Variants in DRC11 observed in about 807,000 individuals in gnomAD.
DRC11 encodes dynein regulatory complex subunit 11.
the DRC11 span, among the ~76,000 whole-genome samples, chr2:236,353,420 C>T: frequency 1.3e-5 from 2 of 152,154 alleles, no homozygotes; most frequent in African/African-American, 4.8e-5. This position sits in a 1 kb window ranked among gnomAD's most constrained non-coding sequence, Gnocchi z 5.0. Context: ...CAAAGAAACA[C>T]TGTCAAACAT....
chr2:236,377,236 C>T, the DRC11 span: 12 of 1,164,330 alleles, frequency 1.0e-5, no homozygotes, highest in South Asian at 6.3e-5. This position sits in a 1 kb window ranked among gnomAD's most constrained non-coding sequence, Gnocchi z 4.9. Flanking sequence ...CAGAAATCGG[C>T]GGTATTTCTG....
At chr2:236,430,057 G>A in the DRC11 span, among the ~76,000 whole-genome samples, 1 of 152,178 alleles carries the variant, frequency 6.6e-6, no homozygotes, top group Non-Finnish European at 1.5e-5. This position sits in a 1 kb window ranked among gnomAD's most constrained non-coding sequence, Gnocchi z 6.0. Context: ...GTCTGCTGGA[G>A]TCCTGGGCTA....
At chr2:236,502,904 G>A in the DRC11 span, among the ~76,000 whole-genome samples, 278 of 152,068 alleles carry the variant, frequency 1.8e-3, 3 homozygotes, top group Admixed American at 0.014. Flanking sequence ...GCAGTGAGCC[G>A]AGATTGCACC....
chr2:236,400,254 G>C, the DRC11 span, among the ~76,000 whole-genome samples: 1 of 152,108 alleles, frequency 6.6e-6, no homozygotes, highest in Admixed American at 6.5e-5. This position sits in a 1 kb window ranked among gnomAD's most constrained non-coding sequence, Gnocchi z 7.9. Context: ...TTCCTTCCCG[G>C]AGCCAGAGTC....
the DRC11 span, among the ~76,000 whole-genome samples, chr2:236,311,697 CGTGTGTGTGTGTGTGTGTGTGT>C: frequency 2.9e-5 from 4 of 138,706 alleles, no homozygotes; most frequent in Admixed American, 7.3e-5. The surrounding 1 kb of genome is among the most constrained non-coding windows in gnomAD (Gnocchi z 6.9). Context: ...GGATGGGGTG[CGTGTGTGTGTGTGTGTGTGTGT>C]GTGTGTGTGT....
chr2:236,460,205 T>C, the DRC11 span, among the ~76,000 whole-genome samples: 1 of 152,238 alleles, frequency 6.6e-6, no homozygotes, highest in Non-Finnish European at 1.5e-5. The surrounding 1 kb of genome is among the most constrained non-coding windows in gnomAD (Gnocchi z 4.0). Flanking sequence ...TTTACATCTT[T>C]GTGAAGTCTG....
At chr2:236,357,651 A>AT in the DRC11 span, among the ~76,000 whole-genome samples, 103 of 125,646 alleles carry the variant, frequency 8.2e-4, no homozygotes, top group African/African-American at 3.2e-3. Flanking sequence ...TAAATATATA[A>AT]ATTATATTCA....
chr2:236,473,397 G>T, the DRC11 span, among the ~76,000 whole-genome samples: 1 of 152,196 alleles, frequency 6.6e-6, no homozygotes, highest in Non-Finnish European at 1.5e-5. This position sits in a 1 kb window ranked among gnomAD's most constrained non-coding sequence, Gnocchi z 4.8. Flanking sequence ...GAAATTGAAT[G>T]TATTGGCCAA....
the DRC11 span, among the ~76,000 whole-genome samples, chr2:236,430,099 G>C: frequency 1.7e-4 from 26 of 152,212 alleles, no homozygotes; most frequent in African/African-American, 6.3e-4. This position sits in a 1 kb window ranked among gnomAD's most constrained non-coding sequence, Gnocchi z 6.0. Flanking sequence ...GTGACTTCCA[G>C]TGTGTGGCTG....
the DRC11 span, among the ~76,000 whole-genome samples, chr2:236,421,858 C>T: frequency 3.9e-5 from 6 of 152,146 alleles, no homozygotes; most frequent in African/African-American, 1.4e-4. Flanking sequence ...GCTTATCCAC[C>T]ATGATCAAGT....
chr2:236,502,796 A>C, the DRC11 span, among the ~76,000 whole-genome samples: 35 of 151,670 alleles, frequency 2.3e-4, no homozygotes, highest in East Asian at 7.9e-4. Flanking sequence ...CTCTACTAAA[A>C]TCACAAAAAT....
At chr2:236,344,631 G>A in the DRC11 span, 1 of 1,613,442 alleles carries the variant, frequency 6.2e-7, no homozygotes, top group Non-Finnish European at 8.5e-7. Flanking sequence ...GAGGGCTGGA[G>A]CTGTCGAGCC....
the DRC11 span, among the ~76,000 whole-genome samples, chr2:236,446,324 T>C: frequency 3.0e-4 from 45 of 152,136 alleles, no homozygotes; most frequent in South Asian, 9.3e-3. The surrounding 1 kb of genome is among the most constrained non-coding windows in gnomAD (Gnocchi z 6.2). Flanking sequence ...CACAGACCAG[T>C]GAATGGAAAA....
At chr2:236,347,662 G>A in the DRC11 span, among the ~76,000 whole-genome samples, 1 of 151,866 alleles carries the variant, frequency 6.6e-6, no homozygotes, top group East Asian at 1.9e-4. Flanking sequence ...TCACTAGGAC[G>A]CGAAGGCATA....
At chr2:236,357,315 ATATT>A in the DRC11 span, among the ~76,000 whole-genome samples, 4 of 116,828 alleles carry the variant, frequency 3.4e-5, no homozygotes, top group South Asian at 9.8e-4. Flanking sequence ...ATAGATCTAT[ATATT>A]ATATATATTC....
chr2:236,334,745 T>C, the DRC11 span, among the ~76,000 whole-genome samples: 1 of 152,134 alleles, frequency 6.6e-6, no homozygotes, highest in Non-Finnish European at 1.5e-5. The surrounding 1 kb of genome is among the most constrained non-coding windows in gnomAD (Gnocchi z 7.8). Flanking sequence ...AATAATGTGA[T>C]GTGGGTGAGC....
At chr2:236,354,283 TTA>T in the DRC11 span, among the ~76,000 whole-genome samples, 2,959 of 61,318 alleles carry the variant, frequency 0.048, 62 homozygotes, top group African/African-American at 0.14. Flanking sequence ...GTGTATGAGT[TTA>T]TGTTAGTGTG....
the DRC11 span, chr2:236,493,934 G>C: frequency 1.3e-6 from 2 of 1,494,040 alleles, no homozygotes; most frequent in Non-Finnish European, 1.8e-6. Context: ...CACAATGCCA[G>C]GACTAGAACT....
chr2:236,317,097 A>T, the DRC11 span, among the ~76,000 whole-genome samples: 1 of 152,118 alleles, frequency 6.6e-6, no homozygotes, highest in Non-Finnish European at 1.5e-5. The surrounding 1 kb of genome is among the most constrained non-coding windows in gnomAD (Gnocchi z 5.4). Context: ...GGAGATCGAG[A>T]CCATCCTGGC....
Sources: allele counts gnomAD v4.1 joint callset (sites outside exome capture counted in the v4.1 genomes callset), GRCh38; gene constraint gnomAD v4.1.1; non-coding constraint Gnocchi (gnomAD v3.1); transcripts MANE v1.5; gene names NCBI Gene and HGNC (gene_info 2026-07-23, HGNC 2026-07-21).